Variants in BCAS1 observed in about 807,000 individuals in gnomAD.
BCAS1 encodes the protein breast carcinoma-amplified sequence 1.
BCAS1 carries 46 observed loss-of-function variants against 65.4 expected under a neutral mutation model. The observed-to-expected ratio is 0.70, with a 90% CI of 0.55 to 0.90. BCAS1 has a LOEUF of 0.90. BCAS1 is among the 40% of genes least tolerant of loss of function. The probability of loss-of-function intolerance (pLI) is 0.00; values close to 1 mark genes in which losing one functional copy is unlikely to be tolerated. For missense variants in BCAS1, 793 were observed against 771.2 expected, an observed-to-expected ratio of 1.03 and a Z score of -0.33; for synonymous variants, 298 against 293.5, an observed-to-expected ratio of 1.02 and a Z score of -0.16.
intron 8 of BCAS1, among the ~76,000 whole-genome samples, chr20:53,984,069 G>C (rs537290281): frequency 6.6e-6 from 1 of 151,958 alleles, no homozygotes; most frequent in Non-Finnish European, 1.5e-5. Flanking sequence ...ATTTAACCTT[G>C]AGCAAAACAT....
In BCAS1 at chr20:54,058,124, C is replaced by G; in HGVS notation, c.103G>C (p.Val35Leu). Residue 35 changes from valine to leucine, a missense_variant, in exon 3 of 13, where the codon GTG becomes CTG. Transcript: ENST00000688948. The part of the protein sequence containing the change: ...DNASALNGVP[V>L]VVSTHTVQHL... The stretch of plus-strand genomic sequence containing the variant: ...TGAACTGTGTGGGTCGACACCACCA[C>G]TGGAACCCCGTTCAGAGCAGACGCG... The G allele has an allele frequency of 6.2e-7, 1 of 1,614,034 alleles. No individual in the cohort carries two copies. Among genetic ancestry groups the G allele is most frequent in the Non-Finnish European group, 8.5e-7 (1 of 1,179,994 alleles).
chr20:54,052,253 A>C (rs1318102839), intron 3 of BCAS1, among the ~76,000 whole-genome samples: 3 of 152,188 alleles, frequency 2.0e-5, no homozygotes, highest in African/African-American at 7.2e-5. Context: ...GCCCCTCTGC[A>C]GTGAGTGTCT....
Position 53,943,734 on chromosome 20 carries a change from G to A in BCAS1, c.*1188C>T, listed in dbSNP as rs2089214861. On this transcript the variant is annotated 3_prime_UTR_variant, in exon 13 of 13. Coordinates refer to ENST00000688948, the MANE Select transcript of BCAS1 (RefSeq NM_001366298.2). ...AATTTTTATTAACTGAGGTTATGGG[G>A]AGGGTTTTATCAGAGCACATCCTGA... 1 of 152,102 alleles carries A rather than the reference G, an allele frequency of 6.6e-6. No homozygotes were observed. The highest frequency in any genetic ancestry group is 6.5e-5 in the Admixed American group (1 of 15,276). 9.4% of individuals were successfully genotyped at this position (152,102 alleles called of 1,614,324 possible).
chr20:54,054,680 G>A (rs1400865590), intron 3 of BCAS1, among the ~76,000 whole-genome samples: 1 of 152,220 alleles, frequency 6.6e-6, no homozygotes, highest in Admixed American at 6.5e-5. Flanking sequence ...AGCAGTAGCT[G>A]AGGATGTTGA....
chr20:53,986,210 C>T (rs560627728), intron 7 of BCAS1, among the ~76,000 whole-genome samples: 8 of 152,172 alleles, frequency 5.3e-5, no homozygotes, highest in Non-Finnish European at 1.0e-4. Flanking sequence ...TCCCTTCCTC[C>T]GCCTCCTTCC....
intron 3 of BCAS1, among the ~76,000 whole-genome samples, chr20:54,039,439 G>T (rs114699557): frequency 1.4e-3 from 215 of 151,452 alleles, no homozygotes; most frequent in African/African-American, 5.0e-3. Flanking sequence ...AAGGAATGTA[G>T]GCAAAGGTAC....
intron 4 of BCAS1, among the ~76,000 whole-genome samples, chr20:54,021,542 A>G (rs1374966840): frequency 2.0e-5 from 3 of 151,640 alleles, no homozygotes; most frequent in Non-Finnish European, 4.4e-5. Context: ...ATGGAATACT[A>G]TGTGTCCATA....
chr20:53,968,290 G>T (rs958707604), intron 9 of BCAS1, among the ~76,000 whole-genome samples: 1 of 152,170 alleles, frequency 6.6e-6, no homozygotes, highest in Non-Finnish European at 1.5e-5. Flanking sequence ...TTCATCTGCT[G>T]CCTCCCTGGA....
intron 3 of BCAS1, among the ~76,000 whole-genome samples, chr20:54,045,210 C>CAAAAAAAAAAAAAAAACAAAAAAAA (rs2092079282): frequency 7.3e-6 from 1 of 136,122 alleles, no homozygotes; most frequent in Non-Finnish European, 1.6e-5. Flanking sequence ...GACCTCATCT[C>CAAAAAAAAAAAAAAAACAAAAAAAA]AAAAAAAAAA....
At chr20:53,970,524 C>T (rs888996929) in intron 9 of BCAS1, among the ~76,000 whole-genome samples, 18 of 152,188 alleles carry the variant, frequency 1.2e-4, no homozygotes, top group East Asian at 9.6e-4. Context: ...AACATATGAC[C>T]GCATCTGCAC....
intron 4 of BCAS1, among the ~76,000 whole-genome samples, chr20:54,008,704 A>T (rs1023849866): frequency 6.7e-5 from 10 of 148,514 alleles, no homozygotes; most frequent in Middle Eastern, 3.4e-3. Flanking sequence ...AACTTGTCAT[A>T]CCATACCAAG....
intron 6 of BCAS1, 124 bp downstream of exon 6, chr20:53,994,888 T>TAC (rs11471603): frequency 0.025 from 13,888 of 555,190 alleles, 107 homozygotes; most frequent in Middle Eastern, 0.043. Context: ...ATAGATATGA[T>TAC]ACACACACAC....
intron 1 of BCAS1, among the ~76,000 whole-genome samples, chr20:54,067,736 C>T (rs2092462050): frequency 6.6e-6 from 1 of 152,202 alleles, no homozygotes; most frequent in South Asian, 2.1e-4. Flanking sequence ...TCATCACCAG[C>T]AGGCAGCTAG....
chr20:54,009,517 C>T (rs186909372), intron 4 of BCAS1, among the ~76,000 whole-genome samples: 1 of 151,866 alleles, frequency 6.6e-6, no homozygotes, highest in African/African-American at 2.4e-5. Context: ...TATAACTGAC[C>T]CAATATAATA....
At chr20:54,055,807 T>C (rs996806116) in intron 3 of BCAS1, among the ~76,000 whole-genome samples, 1 of 152,184 alleles carries the variant, frequency 6.6e-6, no homozygotes, top group African/African-American at 2.4e-5. Context: ...CACACACATA[T>C]ACATATACAT....
At chr20:53,987,407 G>A (rs1056465888) in intron 7 of BCAS1, among the ~76,000 whole-genome samples, 2 of 152,164 alleles carry the variant, frequency 1.3e-5, no homozygotes, top group African/African-American at 2.4e-5. Flanking sequence ...CGTCCCAAAC[G>A]CTCTTGAGTA....
intron 2 of BCAS1, 105 bp downstream of exon 2, chr20:54,058,542 T>C (rs900774839): frequency 2.0e-6 from 3 of 1,513,976 alleles, no homozygotes; most frequent in Non-Finnish European, 2.6e-6. Context: ...ACAGACACAA[T>C]CAATCAGCAG....
chr20:54,031,700 G>A (rs1249513284), intron 3 of BCAS1, among the ~76,000 whole-genome samples: 1 of 151,292 alleles, frequency 6.6e-6, no homozygotes, highest in Non-Finnish European at 1.5e-5. Flanking sequence ...GCCTGAAGCT[G>A]AACTTTAGCA....
At chr20:53,986,217 TTCCCTCTGTCTTTTTCTCTC>T (rs1374526838) in intron 7 of BCAS1, among the ~76,000 whole-genome samples, 1 of 152,182 alleles carries the variant, frequency 6.6e-6, no homozygotes, top group Non-Finnish European at 1.5e-5. Context: ...CTCCGCCTCC[TTCCCTCTGTCTTTTTCTCTC>T]TCCCTCTGTC....
Sources: gnomAD v4.1 joint callset for allele counts (sites outside exome capture counted in the v4.1 genomes callset) on GRCh38, gnomAD v4.1.1 for gene constraint, MANE v1.5 for transcripts, NCBI Gene and HGNC (gene_info 2026-07-23, HGNC 2026-07-21) for gene names.